CLNK: variants seen among roughly 807,000 people sequenced by gnomAD.
The protein encoded by CLNK is cytokine-dependent hematopoietic cell linker.
In CLNK, 74 loss-of-function variants were observed where a neutral mutation model predicts 68.6. The observed-to-expected ratio is 1.08, with a 90% CI of 0.89 to 1.31. CLNK has a LOEUF of 1.31. CLNK is among the 50% of genes most tolerant of loss of function. The pLI is 0.00. For synonymous variants in CLNK, 198 were observed against 172.2 expected, an observed-to-expected ratio of 1.15 and a Z score of -1.17; for missense variants, 553 against 515.3, an observed-to-expected ratio of 1.07 and a Z score of -0.71.
intron 4 of CLNK, among the ~76,000 whole-genome samples, chr4:10,572,829 G>GT (rs1165197246): frequency 6.6e-6 from 1 of 151,932 alleles, no homozygotes; most frequent in South Asian, 2.1e-4. Context: ...GTTTTGTTTT[G>GT]TTTTTTCTTG....
intron 1 of CLNK, among the ~76,000 whole-genome samples, chr4:10,672,357 A>G (rs1330979748): frequency 1.3e-5 from 2 of 152,178 alleles, no homozygotes; most frequent in Non-Finnish European, 2.9e-5. Context: ...ATGCTTTGGG[A>G]CAACTGTTTA....
intron 2 of CLNK, among the ~76,000 whole-genome samples, chr4:10,608,757 C>T (rs1206097655): frequency 1.3e-5 from 2 of 152,262 alleles, no homozygotes; most frequent in African/African-American, 4.8e-5. Context: ...TGAGTCAGTT[C>T]GGGCTGCTAT....
intron 3 of CLNK, among the ~76,000 whole-genome samples, chr4:10,586,099 C>T (rs536217526): frequency 1.4e-4 from 21 of 152,046 alleles, no homozygotes; most frequent in Admixed American, 4.6e-4. Context: ...GCTGCTGCTC[C>T]GACAGGAGAC....
At chr4:10,703,583 G>GTCA in the CLNK span, among the ~76,000 whole-genome samples, 5 of 152,156 alleles carry the variant, frequency 3.3e-5, no homozygotes, top group Non-Finnish European at 7.4e-5. Flanking sequence ...GGTCTATACA[G>GTCA]TCATGTGTCA....
At chr4:10,512,795 C>G (rs1717648215) in intron 16 of CLNK, among the ~76,000 whole-genome samples, 1 of 151,024 alleles carries the variant, frequency 6.6e-6, no homozygotes, top group Non-Finnish European at 1.5e-5. Flanking sequence ...TAAGTAACAT[C>G]CAATGTGATG....
chr4:10,631,712 A>G (rs752107139), intron 2 of CLNK, among the ~76,000 whole-genome samples: 3 of 152,282 alleles, frequency 2.0e-5, no homozygotes, highest in Non-Finnish European at 2.9e-5. Flanking sequence ...AGGGAAACGA[A>G]CAAGTGAAAG....
chr4:10,618,408 T>C (rs2108858997), intron 2 of CLNK, among the ~76,000 whole-genome samples: 1 of 152,278 alleles, frequency 6.6e-6, no homozygotes, highest in Middle Eastern at 3.4e-3. Context: ...TAAGAAATCT[T>C]ATTAGGTTGA....
At chr4:10,534,744 C>T (rs1025659732) in intron 11 of CLNK, among the ~76,000 whole-genome samples, 2 of 152,018 alleles carry the variant, frequency 1.3e-5, no homozygotes, top group African/African-American at 4.8e-5. Flanking sequence ...GATTTTTTAT[C>T]CTTAGATAGA....
chr4:10,580,483 A>T (rs918382559), intron 4 of CLNK, among the ~76,000 whole-genome samples: 2 of 152,184 alleles, frequency 1.3e-5, no homozygotes, highest in Non-Finnish European at 2.9e-5. Flanking sequence ...ATCCTAGTAG[A>T]TGACAGCTCC....
chr4:10,566,174 T>C (rs1489955371), intron 5 of CLNK, 24 bp from the exon 6 acceptor site: 7 of 1,612,308 alleles, frequency 4.3e-6, no homozygotes, highest in Non-Finnish European at 5.1e-6. Flanking sequence ...AACATTCCAG[T>C]GAGTCAAAGG....
intron 2 of CLNK, among the ~76,000 whole-genome samples, chr4:10,630,519 G>A (rs1046219407): frequency 6.6e-6 from 1 of 151,992 alleles, no homozygotes; most frequent in South Asian, 2.1e-4. Context: ...AAATTTTGGA[G>A]CCACTGTCTC....
intron 2 of CLNK, among the ~76,000 whole-genome samples, chr4:10,664,896 C>T (rs778111573): frequency 5.3e-5 from 8 of 152,158 alleles, no homozygotes; most frequent in South Asian, 2.1e-4. Flanking sequence ...CTGATGGAGG[C>T]GTTCTAATTT....
At chr4:10,726,255 G>C in the CLNK span, among the ~76,000 whole-genome samples, 1 of 152,092 alleles carries the variant, frequency 6.6e-6, no homozygotes, top group African/African-American at 2.4e-5. Context: ...CAGGTAGCTG[G>C]GACTACAGAC....
At chr4:10,666,523 A>G (rs1254269344) in intron 2 of CLNK, among the ~76,000 whole-genome samples, 1 of 152,232 alleles carries the variant, frequency 6.6e-6, no homozygotes, top group South Asian at 2.1e-4. Context: ...AGGAGCACTG[A>G]ACTGGGAGTC....
intron 18 of CLNK, among the ~76,000 whole-genome samples, chr4:10,494,961 G>A (rs1022487619): frequency 6.6e-6 from 1 of 152,014 alleles, no homozygotes. Context: ...TGTGGGCGAT[G>A]TTTCCTTGCC....
At chr4:10,546,512 A>G (rs1719236933) in intron 8 of CLNK, among the ~76,000 whole-genome samples, 3 of 152,196 alleles carry the variant, frequency 2.0e-5, no homozygotes, top group African/African-American at 7.2e-5. Context: ...AATGGCCTTT[A>G]CTGTCTATAT....
intron 4 of CLNK, among the ~76,000 whole-genome samples, chr4:10,584,081 A>G (rs1004202241): frequency 1.3e-5 from 2 of 152,218 alleles, no homozygotes; most frequent in Non-Finnish European, 2.9e-5. Flanking sequence ...TTTAGGCCTG[A>G]CTGGGAAGTT....
chr4:10,532,947 T>A (rs1038379486), intron 11 of CLNK, among the ~76,000 whole-genome samples: 1 of 152,170 alleles, frequency 6.6e-6, no homozygotes, highest in African/African-American at 2.4e-5. Context: ...AATGTGAGAA[T>A]TGCTAGAAAT....
chr4:10,717,468 C>G, the CLNK span, among the ~76,000 whole-genome samples: 1 of 152,182 alleles, frequency 6.6e-6, no homozygotes, highest in Non-Finnish European at 1.5e-5. Flanking sequence ...TGGTTATGCA[C>G]GCCTGTAATT....
Sources: allele counts gnomAD v4.1 joint callset (sites outside exome capture counted in the v4.1 genomes callset), GRCh38; gene constraint gnomAD v4.1.1; transcripts MANE v1.5; gene names NCBI Gene and HGNC (gene_info 2026-07-23, HGNC 2026-07-21).